PPARG: variants seen among roughly 807,000 people sequenced by gnomAD.
PPARG encodes peroxisome proliferator-activated receptor gamma.
Under a neutral mutation model 39.2 loss-of-function variants are expected in PPARG, and 17 were observed. The observed-to-expected ratio is 0.43, with a 90% confidence interval of 0.30 to 0.65. The LOEUF (loss-of-function observed/expected upper bound fraction) is 0.65. Among genes scored for constraint, PPARG ranks in the 30% least tolerant of loss-of-function variants. The probability of loss-of-function intolerance (pLI) is 0.13; values close to 1 mark genes in which losing one functional copy is unlikely to be tolerated. For missense variants in PPARG, 406 were observed against 585.9 expected, an observed-to-expected ratio of 0.69 and a Z score of 3.17; for synonymous variants, 223 against 215.7, an observed-to-expected ratio of 1.03 and a Z score of -0.30.
At chr3:12,358,761 T>A (rs1464746975) in intron 2 of PPARG, among the ~76,000 whole-genome samples, 3 of 152,210 alleles carry the variant, frequency 2.0e-5, no homozygotes, top group African/African-American at 7.2e-5. Context: ...ACAGTCACAT[T>A]TCTAGCCACA....
upstream of PPARG, chr3:12,287,474 T>C (rs1433216007): frequency 6.6e-6 from 1 of 152,214 alleles, no homozygotes; most frequent in Non-Finnish European, 1.5e-5. Flanking sequence ...AAAATGTCAC[T>C]GGAAAGAACA....
chr3:12,308,584 T>A (rs2047142617), intron 1 of PPARG, among the ~76,000 whole-genome samples: 1 of 152,124 alleles, frequency 6.6e-6, no homozygotes, highest in African/African-American at 2.4e-5. Flanking sequence ...AAGTAATAAA[T>A]ACACAAAGCA....
At chr3:12,356,185 G>A (rs990956860) in intron 2 of PPARG, among the ~76,000 whole-genome samples, 4 of 152,266 alleles carry the variant, frequency 2.6e-5, no homozygotes, top group African/African-American at 4.8e-5. Flanking sequence ...AATTAGACTC[G>A]TTTGAATGGA....
intron 7 of PPARG, among the ~76,000 whole-genome samples, chr3:12,422,397 G>C (rs1262332697): frequency 6.6e-6 from 1 of 152,214 alleles, no homozygotes; most frequent in Non-Finnish European, 1.5e-5. Flanking sequence ...AGGTCACAGA[G>C]CTACTAATCG....
At chr3:12,432,981 A>AC (rs2051711397) in intron 7 of PPARG, among the ~76,000 whole-genome samples, 1 of 106,514 alleles carries the variant, frequency 9.4e-6, no homozygotes, top group African/African-American at 3.5e-5. Flanking sequence ...TGAACTAAAG[A>AC]AAAATCTAAA....
intron 2 of PPARG, among the ~76,000 whole-genome samples, chr3:12,320,111 G>A (rs989806439): frequency 1.3e-5 from 2 of 152,144 alleles, no homozygotes; most frequent in Admixed American, 6.5e-5. Context: ...TGCATACAGA[G>A]GTATTACATT....
At chr3:12,378,824 A>G (rs2049513908) in intron 2 of PPARG, among the ~76,000 whole-genome samples, 1 of 152,228 alleles carries the variant, frequency 6.6e-6, no homozygotes. Flanking sequence ...TTGCTAAGAC[A>G]GTAGATGTTA....
intron 2 of PPARG, among the ~76,000 whole-genome samples, chr3:12,378,312 G>A (rs555806483): frequency 2.0e-4 from 31 of 152,154 alleles, no homozygotes; most frequent in Admixed American, 4.6e-4. Context: ...AGAGCTATCT[G>A]CTCTCCCATG....
chr3:12,413,080 T>C (rs1019805988), intron 6 of PPARG, among the ~76,000 whole-genome samples: 1 of 152,226 alleles, frequency 6.6e-6, no homozygotes, highest in African/African-American at 2.4e-5. Context: ...GGAAGTGCAG[T>C]ACATTTTGTA....
chr3:12,366,208 G>T (rs1180564229), intron 2 of PPARG, among the ~76,000 whole-genome samples: 1 of 152,026 alleles, frequency 6.6e-6, no homozygotes, highest in Non-Finnish European at 1.5e-5. Context: ...TCTGTTTGGG[G>T]GTAATGTGTT....
intron 1 of PPARG, among the ~76,000 whole-genome samples, chr3:12,300,520 C>G (rs2046899609): frequency 6.6e-6 from 1 of 151,740 alleles, no homozygotes; most frequent in African/African-American, 2.4e-5. Flanking sequence ...TTTTAAATGT[C>G]AGGTTGACTT....
intron 2 of PPARG, among the ~76,000 whole-genome samples, chr3:12,313,704 G>A (rs2047312736): frequency 6.6e-6 from 1 of 152,164 alleles, no homozygotes; most frequent in Non-Finnish European, 1.5e-5. Context: ...GGAGGATGTT[G>A]TGGTCAGCCT....
intron 1 of PPARG, among the ~76,000 whole-genome samples, chr3:12,304,046 C>G (rs900405180): frequency 6.6e-6 from 1 of 152,204 alleles, no homozygotes; most frequent in Non-Finnish European, 1.5e-5. Flanking sequence ...CTTTTTAAAG[C>G]AAGTACTATT....
chr3:12,418,792 A>G (rs1483331367), intron 7 of PPARG, among the ~76,000 whole-genome samples: 4 of 152,316 alleles, frequency 2.6e-5, no homozygotes, highest in South Asian at 4.1e-4. Flanking sequence ...CCATCACATC[A>G]TGCGGAATAC....
intron 2 of PPARG, among the ~76,000 whole-genome samples, chr3:12,312,912 T>C (rs17036281): frequency 6.6e-6 from 1 of 152,076 alleles, no homozygotes; most frequent in Admixed American, 6.6e-5. Flanking sequence ...GGAGGAAGAA[T>C]TGCTAAGTTA....
intron 7 of PPARG, among the ~76,000 whole-genome samples, chr3:12,431,276 G>A (rs1014588870): frequency 1.3e-5 from 2 of 152,102 alleles, no homozygotes; most frequent in African/African-American, 4.8e-5. Flanking sequence ...TAACTCTTAG[G>A]TTAAAAATGA....
At chr3:12,356,391 G>C (rs544711203) in intron 2 of PPARG, among the ~76,000 whole-genome samples, 1 of 152,120 alleles carries the variant, frequency 6.6e-6, no homozygotes, top group African/African-American at 2.4e-5. Context: ...GTTTTAAACC[G>C]TGTAATTTTT....
intron 2 of PPARG, among the ~76,000 whole-genome samples, chr3:12,362,560 TAAATAAATAAAAC>T (rs1379888505): frequency 2.6e-4 from 28 of 108,424 alleles, no homozygotes; most frequent in Middle Eastern, 4.3e-3. Flanking sequence ...AATAAATAAA[TAAATAAATAAAAC>T]GAACAACAAC....
intron 5 of PPARG, among the ~76,000 whole-genome samples, chr3:12,404,333 A>G (rs543538380): frequency 1.2e-4 from 18 of 152,342 alleles, no homozygotes; most frequent in African/African-American, 4.3e-4. Flanking sequence ...TTAGTCAGCG[A>G]TAAAATTTAT....
Sources: allele counts gnomAD v4.1 joint callset (sites outside exome capture counted in the v4.1 genomes callset), GRCh38; gene constraint gnomAD v4.1.1; transcripts MANE v1.5; gene names NCBI Gene and HGNC (gene_info 2026-07-23, HGNC 2026-07-21).